The following COL25A1 variants were observed in gnomAD, a reference collection of about 807,000 sequenced individuals.
COL25A1 encodes the protein collagen alpha-1(XXV) chain.
A neutral mutation model predicts 128.4 loss-of-function variants in COL25A1; 103 were observed. The observed-to-expected ratio is 0.80, with a 90% CI of 0.68 to 0.94. The LOEUF (loss-of-function observed/expected upper bound fraction) is 0.94, where lower values mean the gene tolerates loss of function less well. COL25A1 is among the 40% of genes least tolerant of loss of function. COL25A1 has a pLI of 0.00. For missense variants in COL25A1, 745 were observed against 840.0 expected, an observed-to-expected ratio of 0.89 and a Z score of 1.40; for synonymous variants, 279 against 277.2, an observed-to-expected ratio of 1.01 and a Z score of -0.06.
At chr4:108,950,132 G>C (rs1297237352) in intron 8 of COL25A1, among the ~76,000 whole-genome samples, 1 of 151,992 alleles carries the variant, frequency 6.6e-6, no homozygotes, top group Admixed American at 6.6e-5. Flanking sequence ...GCTCTTAGAC[G>C]ACCCTTTGCT....
intron 3 of COL25A1, among the ~76,000 whole-genome samples, chr4:109,140,560 C>G (rs185174751): frequency 6.6e-6 from 1 of 152,212 alleles, no homozygotes; most frequent in East Asian, 1.9e-4. Context: ...TCTTCCTATC[C>G]ATGAGCATGG....
At chr4:108,825,249 T>C in intron 33 of COL25A1, 27 bp from the exon 34 acceptor site, 1 of 1,598,648 alleles carries the variant, frequency 6.3e-7, no homozygotes, top group East Asian at 2.2e-5. Context: ...GTAGCTACAT[T>C]AGTGTTTCTA....
Position 108,813,687 on chromosome 4 carries a change from C to T in COL25A1, c.*240G>A, listed in dbSNP as rs1730988839. 2 of 428,182 alleles carry T rather than the reference C, an allele frequency of 4.7e-6. No homozygotes were observed. The highest frequency in any genetic ancestry group is 8.5e-6 in the Non-Finnish European group (2 of 236,220). 26.5% of individuals were successfully genotyped at this position (428,182 alleles called of 1,614,324 possible). On this transcript the variant is annotated 3_prime_UTR_variant, in exon 38 of 38. Transcript: ENST00000399132. ...CTGATTTGTCCATATAAATACGTAT[C>T]TTCACATAAGATAAGGAGATACTGA... is the stretch of plus-strand genomic sequence containing the variant.
At chr4:108,921,225 G>A (rs1467104550) in intron 11 of COL25A1, among the ~76,000 whole-genome samples, 1 of 152,166 alleles carries the variant, frequency 6.6e-6, no homozygotes, top group Admixed American at 6.5e-5. Flanking sequence ...CTAAGATACT[G>A]GGTGGAGGAG....
At chr4:108,856,310 T>C (rs777937869) in intron 24 of COL25A1, among the ~76,000 whole-genome samples, 12 of 152,284 alleles carry the variant, frequency 7.9e-5, no homozygotes, top group Non-Finnish European at 1.3e-4. Context: ...CTTATGGCAA[T>C]GTTTATGTAA....
At chr4:108,884,097 A>C in intron 19 of COL25A1, 81 bp downstream of exon 19, 1 of 1,387,328 alleles carries the variant, frequency 7.2e-7, no homozygotes, top group East Asian at 2.3e-5. Context: ...TTTAGTTTCC[A>C]TTTTTCCCTA....
At chr4:109,300,700 G>A (rs1253543614) in intron 2 of COL25A1, 48 bp from the exon 3 acceptor site, 1 of 1,334,720 alleles carries the variant, frequency 7.5e-7, no homozygotes, top group Non-Finnish European at 1.1e-6. Context: ...CACTGTAGAG[G>A]GATGGAGTCT....
chr4:108,895,241 T>C (rs529617803), intron 16 of COL25A1, among the ~76,000 whole-genome samples: 4 of 152,338 alleles, frequency 2.6e-5, no homozygotes, highest in Middle Eastern at 3.4e-3. Flanking sequence ...TGCAGCTATG[T>C]TTTTATGACT....
At chr4:109,267,004 C>A (rs1001603496) in intron 3 of COL25A1, among the ~76,000 whole-genome samples, 6 of 152,110 alleles carry the variant, frequency 3.9e-5, no homozygotes, top group Admixed American at 2.6e-4. Flanking sequence ...AGAAAATCAA[C>A]CAAAGAAAAC....
At chr4:109,056,937 G>A (rs1761501182) in intron 3 of COL25A1, among the ~76,000 whole-genome samples, 2 of 152,208 alleles carry the variant, frequency 1.3e-5, no homozygotes, top group Admixed American at 6.5e-5. Context: ...ATAGCTCACT[G>A]TAACCTCAAA....
At chr4:109,069,952 A>G (rs770939957) in intron 3 of COL25A1, among the ~76,000 whole-genome samples, 13 of 148,166 alleles carry the variant, frequency 8.8e-5, no homozygotes, top group Non-Finnish European at 1.6e-4. Context: ...AATTTCAAAA[A>G]TTAAGAAGAG....
chr4:109,177,696 A>C (rs1229646875), intron 3 of COL25A1, among the ~76,000 whole-genome samples: 4 of 152,230 alleles, frequency 2.6e-5, no homozygotes, highest in Non-Finnish European at 4.4e-5. Context: ...AGCCTGGCTG[A>C]CCAGCTCCAT....
intron 3 of COL25A1, among the ~76,000 whole-genome samples, chr4:109,122,262 T>C (rs1246967918): frequency 6.6e-6 from 1 of 152,040 alleles, no homozygotes; most frequent in Non-Finnish European, 1.5e-5. Context: ...AACCCTAATG[T>C]AAACTATGGA....
intron 13 of COL25A1, among the ~76,000 whole-genome samples, chr4:108,909,564 CTT>C (rs1743966537): frequency 6.6e-6 from 1 of 152,188 alleles, no homozygotes; most frequent in African/African-American, 2.4e-5. Context: ...CTAGTTAACA[CTT>C]TTAATCTTAG....
chr4:108,936,090 A>C (rs1747369731), intron 11 of COL25A1, among the ~76,000 whole-genome samples: 1 of 152,184 alleles, frequency 6.6e-6, no homozygotes, highest in Non-Finnish European at 1.5e-5. Context: ...GCTTAAATTA[A>C]TTTCAAAATT....
At chr4:108,940,396 C>A in intron 10 of COL25A1, 143 bp downstream of exon 10, 3 of 738,246 alleles carry the variant, frequency 4.1e-6, no homozygotes. Flanking sequence ...CAACCTACTC[C>A]ACTCATCATC....
intron 13 of COL25A1, among the ~76,000 whole-genome samples, chr4:108,902,485 T>C (rs1294553082): frequency 6.6e-6 from 1 of 151,988 alleles, no homozygotes; most frequent in East Asian, 1.9e-4. Flanking sequence ...AGAGAGTAGA[T>C]GATGAATATT....
intron 31 of COL25A1, among the ~76,000 whole-genome samples, chr4:108,834,549 TA>T (rs79785987): frequency 2.6e-3 from 370 of 143,668 alleles, no homozygotes; most frequent in African/African-American, 4.2e-3. Flanking sequence ...AATTGTTAGT[TA>T]AAAAAAAAAA....
intron 3 of COL25A1, among the ~76,000 whole-genome samples, chr4:109,203,074 T>C (rs896164134): frequency 6.6e-6 from 1 of 152,150 alleles, no homozygotes; most frequent in African/African-American, 2.4e-5. Flanking sequence ...GAAAAGTCCC[T>C]GGCCCCAGGT....
Sources: allele counts gnomAD v4.1 joint callset (sites outside exome capture counted in the v4.1 genomes callset), GRCh38; gene constraint gnomAD v4.1.1; transcripts MANE v1.5; gene names NCBI Gene and HGNC (gene_info 2026-07-23, HGNC 2026-07-21).